The following MBD5 variants were observed in gnomAD, a reference collection of about 807,000 sequenced individuals.
MBD5 encodes methyl-CpG-binding domain protein 5.
A neutral mutation model predicts 117.3 loss-of-function variants in MBD5; 13 were observed. That is an observed-to-expected ratio of 0.11 (90% CI 0.07 to 0.18). The LOEUF is 0.18. MBD5 is among the 10% of genes least tolerant of loss of function. The pLI is 1.00. For missense variants in MBD5, 1,879 were observed against 2,093.8 expected (o/e 0.90, Z 2.00); for synonymous variants, 727 against 766.4 (o/e 0.95, Z 0.85).
chr2:148,496,042 G>A (rs895372334), intron 11 of MBD5, among the ~76,000 whole-genome samples: 1 of 152,174 alleles, frequency 6.6e-6, no homozygotes, highest in Non-Finnish European at 1.5e-5. Context: ...ATCAGTGTTA[G>A]CTGTTTGTAT....
At chr2:148,182,719 T>A (rs150261958) in intron 2 of MBD5, among the ~76,000 whole-genome samples, 7 of 152,334 alleles carry the variant, frequency 4.6e-5, no homozygotes, top group Admixed American at 2.6e-4. Context: ...CTCAGCTTCT[T>A]CCACTCCCCT....
chr2:148,144,978 T>A (rs1258621999), intron 1 of MBD5, among the ~76,000 whole-genome samples: 1 of 152,256 alleles, frequency 6.6e-6, no homozygotes, highest in Non-Finnish European at 1.5e-5. Flanking sequence ...TTTCCAATTC[T>A]GTGAAGAAAG....
chr2:148,287,357 C>T (rs141173536), intron 3 of MBD5, among the ~76,000 whole-genome samples: 2 of 152,144 alleles, frequency 1.3e-5, no homozygotes, highest in Non-Finnish European at 2.9e-5. Context: ...AAAGACTGAC[C>T]AACAAAATTT....
At chr2:148,164,539 T>C (rs1698083015) in intron 1 of MBD5, among the ~76,000 whole-genome samples, 1 of 152,066 alleles carries the variant, frequency 6.6e-6, no homozygotes, top group Non-Finnish European at 1.5e-5. Flanking sequence ...ATATAAAAAT[T>C]TTGATATAAC....
chr2:148,465,317 T>C (rs1232215827), intron 7 of MBD5, among the ~76,000 whole-genome samples: 1 of 152,170 alleles, frequency 6.6e-6, no homozygotes, highest in African/African-American at 2.4e-5. Flanking sequence ...AGTACCCTTT[T>C]CCCTTTATGA....
chr2:148,086,404 T>C (rs953764966), intron 1 of MBD5, among the ~76,000 whole-genome samples: 2 of 152,172 alleles, frequency 1.3e-5, no homozygotes, highest in East Asian at 1.9e-4. Context: ...TGTTTTCTCA[T>C]AGAATTTTTT....
chr2:148,090,026 T>C (rs1257496036), intron 1 of MBD5, among the ~76,000 whole-genome samples: 4 of 151,876 alleles, frequency 2.6e-5, no homozygotes, highest in Non-Finnish European at 4.4e-5. Flanking sequence ...ACCACAGATA[T>C]ACAAAAGATC....
chr2:148,248,339 T>G (rs1700385239), intron 3 of MBD5, among the ~76,000 whole-genome samples: 1 of 152,158 alleles, frequency 6.6e-6, no homozygotes, highest in Non-Finnish European at 1.5e-5. Flanking sequence ...ATTGTGGGTT[T>G]GCTACTGAAG....
intron 4 of MBD5, among the ~76,000 whole-genome samples, chr2:148,368,573 T>A (rs2105350698): frequency 6.6e-6 from 1 of 152,286 alleles, no homozygotes; most frequent in East Asian, 1.9e-4. Flanking sequence ...TACTAATTCT[T>A]GGTAAAGGGA....
chr2:148,090,551 A>G (rs1695911836), intron 1 of MBD5, among the ~76,000 whole-genome samples: 1 of 152,148 alleles, frequency 6.6e-6, no homozygotes, highest in Non-Finnish European at 1.5e-5. Context: ...CTGCAAGTAA[A>G]TAAATGTGAT....
At chr2:148,432,270 C>G (rs113621792) in intron 4 of MBD5, among the ~76,000 whole-genome samples, 28,866 of 151,976 alleles carry the variant, frequency 0.19, 2,889 homozygotes, top group Middle Eastern at 0.24. Flanking sequence ...ATATTAGACC[C>G]TTGTCAGATG....
At chr2:148,385,639 T>C (rs1324962440) in intron 4 of MBD5, among the ~76,000 whole-genome samples, 2 of 152,026 alleles carry the variant, frequency 1.3e-5, no homozygotes, top group Non-Finnish European at 2.9e-5. Flanking sequence ...TAAATCATGC[T>C]GCTATAAAGA....
At chr2:148,095,673 A>G (rs145366946) in intron 1 of MBD5, among the ~76,000 whole-genome samples, 1 of 152,234 alleles carries the variant, frequency 6.6e-6, no homozygotes, top group East Asian at 1.9e-4. Context: ...CTTATGAGCA[A>G]TACATATCTT....
chr2:148,414,866 G>A (rs942147507), intron 4 of MBD5, among the ~76,000 whole-genome samples: 2 of 152,022 alleles, frequency 1.3e-5, no homozygotes, highest in African/African-American at 4.8e-5. Context: ...TTGCTTGTGA[G>A]ATGGGTCTCT....
At chr2:148,060,714 T>C (rs1303167212) in intron 1 of MBD5, among the ~76,000 whole-genome samples, 3 of 152,182 alleles carry the variant, frequency 2.0e-5, no homozygotes, top group African/African-American at 4.8e-5. Context: ...TGATAGGGTA[T>C]GATTATTTTG....
At chr2:148,183,924 C>G (rs187838894) in intron 2 of MBD5, among the ~76,000 whole-genome samples, 3 of 151,904 alleles carry the variant, frequency 2.0e-5, no homozygotes, top group South Asian at 2.1e-4. Flanking sequence ...ATTCCCTAAT[C>G]ACATTGTAAA....
intron 1 of MBD5, among the ~76,000 whole-genome samples, chr2:148,065,074 G>A (rs999253257): frequency 1.3e-5 from 2 of 151,960 alleles, no homozygotes; most frequent in African/African-American, 2.4e-5. Flanking sequence ...GCCAGCATCC[G>A]GAGATAATAA....
chr2:148,052,214 T>TTTTTG (rs1330832052), intron 1 of MBD5, among the ~76,000 whole-genome samples: 1 of 137,072 alleles, frequency 7.3e-6, no homozygotes, highest in East Asian at 2.2e-4. Context: ...GAGTTTTTTT[T>TTTTTG]TTTTTTTTTT....
Position 148,483,490 on chromosome 2 carries a change from G to A in MBD5, c.2899G>A (p.Ala967Thr), listed in dbSNP as rs765283700. The change falls in exon 9 of 14, where the codon GCT becomes ACT. Residue 967 changes from alanine (A) to threonine (T), a missense_variant. Physicochemically the swap from Ala to Thr is moderately conservative, Grantham distance 58. This residue lies in a region of MBD5 where 1,666 missense variants were observed against 1,792.2 expected (regional missense o/e 0.93). Coordinates refer to ENST00000642680, the MANE Select transcript of MBD5 (RefSeq NM_001378120.1). Reference protein sequence around the residue: ...PLGFLNPNVNAALAFLSSDMD... With the variant: ...PLGFLNPNVNTALAFLSSDMD... ...AGGTTTTCTCAACCCGAATGTAAACGCTGCTTTAGCTTTTCTCTCCAGTGA... is the reference window on the plus strand; with the variant it reads ...AGGTTTTCTCAACCCGAATGTAAACACTGCTTTAGCTTTTCTCTCCAGTGA... 4 of 1,613,504 alleles carry A rather than the reference G, an allele frequency of 2.5e-6. No individual in the cohort carries two copies. Among genetic ancestry groups the A allele is most frequent in the Non-Finnish European group, 2.5e-6 (3 of 1,179,742 alleles).
Sources: gnomAD v4.1 joint callset for allele counts (sites outside exome capture counted in the v4.1 genomes callset) on GRCh38, gnomAD v4.1.1 for gene constraint, gnomAD v4.1.1 regional missense constraint, MANE v1.5 for transcripts, NCBI Gene and HGNC (gene_info 2026-07-23, HGNC 2026-07-21) for gene names.